GTF2F2: variants seen among roughly 807,000 people sequenced by gnomAD.
GTF2F2 encodes the protein general transcription factor IIF subunit 2, also known as ATP-dependent helicase GTF2F2.
A neutral mutation model predicts 42.2 loss-of-function variants in GTF2F2; 23 were observed. The observed-to-expected ratio is 0.55, with a 90% CI of 0.39 to 0.77. The LOEUF (loss-of-function observed/expected upper bound fraction) is 0.77, where lower values mean the gene tolerates loss of function less well. Ranked by LOEUF, GTF2F2 falls within the 30% of genes least tolerant of loss-of-function variation. The pLI is 0.00. For synonymous variants in GTF2F2, 105 were observed against 100.8 expected, an observed-to-expected ratio of 1.04 and a Z score of -0.25; for missense variants, 261 against 287.2, an observed-to-expected ratio of 0.91 and a Z score of 0.66.
intron 4 of GTF2F2, among the ~76,000 whole-genome samples, chr13:45,157,925 C>G (rs1870842863): frequency 6.6e-6 from 1 of 152,156 alleles, no homozygotes; most frequent in Admixed American, 6.5e-5. Flanking sequence ...AATAGAAAAT[C>G]AAATTTCATT....
At chr13:45,227,902 G>A (rs1459591407) in intron 5 of GTF2F2, among the ~76,000 whole-genome samples, 1 of 152,126 alleles carries the variant, frequency 6.6e-6, no homozygotes, top group Non-Finnish European at 1.5e-5. Flanking sequence ...ATGGCCCAAG[G>A]GATGAGTTTG....
At chr13:45,157,021 A>G (rs1870795187) in intron 4 of GTF2F2, among the ~76,000 whole-genome samples, 1 of 152,134 alleles carries the variant, frequency 6.6e-6, no homozygotes, top group Admixed American at 6.5e-5. Flanking sequence ...AAGTTGATAA[A>G]TTTTCTGGGA....
At chr13:45,269,932 A>G (rs1876720442) in intron 7 of GTF2F2, among the ~76,000 whole-genome samples, 1 of 152,018 alleles carries the variant, frequency 6.6e-6, no homozygotes. Flanking sequence ...CCCGAGTTCA[A>G]GCGATTCTCC....
At chr13:45,244,536 A>G (rs1331225655) in intron 5 of GTF2F2, among the ~76,000 whole-genome samples, 1 of 152,192 alleles carries the variant, frequency 6.6e-6, no homozygotes, top group East Asian at 1.9e-4. Context: ...ATGAGCTTAA[A>G]CTTACTCTTT....
intron 5 of GTF2F2, among the ~76,000 whole-genome samples, chr13:45,210,284 A>G (rs1460915709): frequency 2.0e-5 from 3 of 151,976 alleles, no homozygotes; most frequent in Admixed American, 2.0e-4. Flanking sequence ...TTCTGCTCCA[A>G]CCACACCTGT....
intron 5 of GTF2F2, among the ~76,000 whole-genome samples, chr13:45,233,435 G>T (rs181287377): frequency 8.9e-4 from 136 of 152,220 alleles, no homozygotes; most frequent in African/African-American, 2.6e-3. Context: ...TGTTTCATTT[G>T]TTCCTACCTA....
chr13:45,161,322 C>T (rs974785744), intron 4 of GTF2F2, among the ~76,000 whole-genome samples: 2 of 152,100 alleles, frequency 1.3e-5, no homozygotes, highest in Admixed American at 6.5e-5. Flanking sequence ...CCCAAATGAT[C>T]TTGAGGACCC....
In GTF2F2 at chr13:45,144,677, G is replaced by A. The variant is rs934445628; in HGVS notation, c.141-5093G>A. 8.6e-5 allele frequency among the ~76,000 whole-genome samples: 13 copies of A among 151,652 alleles called. No individual in the cohort carries two copies. In the South Asian group the frequency reaches 1.0e-3, roughly 12 times the overall value. On this transcript the variant is annotated intron_variant, in intron 2 of 7. Coordinates refer to ENST00000340473, the MANE Select transcript of GTF2F2 (RefSeq NM_004128.3). ...AGGTTGGTCTCGATCTCCTGACCTC[G>A]TGATCCACCCGCCTCGGCCTCCCAA...
intron 6 of GTF2F2, among the ~76,000 whole-genome samples, chr13:45,254,833 G>T (rs1192587948): frequency 6.6e-6 from 1 of 152,162 alleles, no homozygotes; most frequent in African/African-American, 2.4e-5. Context: ...TGTTGTTTAA[G>T]ATTACCTTTG....
intron 5 of GTF2F2, among the ~76,000 whole-genome samples, chr13:45,236,483 C>T (rs940341266): frequency 7.8e-6 from 1 of 127,722 alleles, no homozygotes; most frequent in African/African-American, 3.7e-5. Flanking sequence ...TCACCCCCCG[C>T]CACACATACA....
intron 2 of GTF2F2, among the ~76,000 whole-genome samples, chr13:45,137,320 G>C (rs921309699): frequency 6.6e-6 from 1 of 152,218 alleles, no homozygotes; most frequent in African/African-American, 2.4e-5. Flanking sequence ...GCTAGTGTCA[G>C]CTGGAGGCCT....
chr13:45,236,064 T>C (rs1015123901), intron 5 of GTF2F2, among the ~76,000 whole-genome samples: 8 of 152,214 alleles, frequency 5.3e-5, no homozygotes, highest in African/African-American at 1.4e-4. Context: ...TTAATTGTTT[T>C]CTAGAGAAAG....
At chr13:45,228,382 G>A (rs919336330) in intron 5 of GTF2F2, among the ~76,000 whole-genome samples, 1 of 144,332 alleles carries the variant, frequency 6.9e-6, no homozygotes, top group Admixed American at 7.0e-5. Flanking sequence ...TGACATTCCA[G>A]AAGCTCTTTC....
At chr13:45,225,674 G>A (rs1437319393) in intron 5 of GTF2F2, among the ~76,000 whole-genome samples, 3 of 150,660 alleles carry the variant, frequency 2.0e-5, no homozygotes, top group Non-Finnish European at 2.9e-5. Flanking sequence ...AAAGACAACC[G>A]TGATTAGAAA....
intron 4 of GTF2F2, among the ~76,000 whole-genome samples, chr13:45,169,915 G>A (rs146283983): frequency 1.3e-5 from 2 of 152,226 alleles, no homozygotes; most frequent in Admixed American, 1.3e-4. Context: ...TAGAAATGTT[G>A]CAATATTAGA....
In GTF2F2 at chr13:45,246,720, ACT is replaced by A. The variant is rs1390911870; in HGVS notation, c.387-6148_387-6147del. ...TTTCCTACTTGCCTTCCTAGATTTT[ACT>A]CTGTGTAAATTCACTTTAAAATTAA... On this transcript the variant is annotated intron_variant, in intron 5 of 7. Transcript: ENST00000340473. Among the ~76,000 whole-genome samples, 966 of 152,254 alleles carry A rather than the reference ACT, an allele frequency of 6.3e-3. 10 individuals are homozygous for A. Among genetic ancestry groups the A allele is most frequent in the African/African-American group, 0.022 (924 of 41,548 alleles).
intron 6 of GTF2F2, among the ~76,000 whole-genome samples, chr13:45,256,356 C>T (rs569202707): frequency 8.8e-4 from 134 of 152,234 alleles, no homozygotes; most frequent in African/African-American, 3.0e-3. Context: ...ATACATACCC[C>T]TGGTGAATAA....
chr13:45,197,974 C>G (rs1872984907), intron 4 of GTF2F2, among the ~76,000 whole-genome samples: 1 of 152,186 alleles, frequency 6.6e-6, no homozygotes, highest in Non-Finnish European at 1.5e-5. Context: ...CCTTTGCAGG[C>G]AAAAACATAT....
chr13:45,218,331 G>A (rs932925914), intron 5 of GTF2F2, among the ~76,000 whole-genome samples: 3 of 152,200 alleles, frequency 2.0e-5, no homozygotes, highest in East Asian at 1.9e-4. Context: ...ATCTTTGTAC[G>A]TATTAGAAAA....
Sources: allele counts gnomAD v4.1 joint callset (sites outside exome capture counted in the v4.1 genomes callset), GRCh38; gene constraint gnomAD v4.1.1; transcripts MANE v1.5; gene names NCBI Gene and HGNC (gene_info 2026-07-23, HGNC 2026-07-21).